The following TAX1BP1 variants were observed in gnomAD, a reference collection of about 807,000 sequenced individuals.
The protein encoded by TAX1BP1 is tax1-binding protein 1.
A neutral mutation model predicts 97.7 loss-of-function variants in TAX1BP1; 62 were observed. That is an observed-to-expected ratio of 0.63 (90% CI 0.52 to 0.78). The LOEUF (loss-of-function observed/expected upper bound fraction) is 0.78, where lower values mean the gene tolerates loss of function less well. Among genes scored for constraint, TAX1BP1 ranks in the 30% least tolerant of loss-of-function variants. The pLI, the probability that TAX1BP1 is intolerant of heterozygous loss-of-function variation, is 0.00. For synonymous variants in TAX1BP1, 340 were observed against 304.2 expected (o/e 1.12, Z -1.23); for missense variants, 867 against 916.1 (o/e 0.95, Z 0.69).
At chr7:27,824,828 T>C (rs1276264933) in intron 15 of TAX1BP1, among the ~76,000 whole-genome samples, 1 of 152,178 alleles carries the variant, frequency 6.6e-6, no homozygotes, top group East Asian at 1.9e-4. Context: ...ATAAAAGTTT[T>C]CTGAAAAGGT....
At chr7:27,754,397 A>G (rs979259973) in intron 2 of TAX1BP1, among the ~76,000 whole-genome samples, 1 of 148,126 alleles carries the variant, frequency 6.8e-6, no homozygotes, top group African/African-American at 2.4e-5. Context: ...TATATAATAT[A>G]TAAATATTTA....
intron 2 of TAX1BP1, 146 bp from the exon 3 acceptor site, chr7:27,757,885 T>C (rs1224495522): frequency 2.0e-6 from 1 of 489,802 alleles, no homozygotes; most frequent in East Asian, 3.2e-5. Context: ...AGAAATAATT[T>C]GACATGCTTG....
rs112092156 is a variant in TAX1BP1, at chr7:27,795,391, T to A, written c.1535-725T>A. Among the ~76,000 whole-genome samples the A allele has an allele frequency of 2.6e-3, 397 of 152,166 alleles. 5 individuals are homozygous for A. Among genetic ancestry groups the A allele is most frequent in the African/African-American group, 9.3e-3 (387 of 41,516 alleles). ...TGGAAGCTGTGGCAAGAGGATCACT[T>A]GAGCTCAAGAGTTTGAGGCTAGCCT... On this transcript the variant is annotated intron_variant, in intron 11 of 16. Coordinates refer to ENST00000396319, the MANE Select transcript of TAX1BP1 (RefSeq NM_006024.7).
At chr7:27,790,119 G>T (rs1422311833) in intron 8 of TAX1BP1, among the ~76,000 whole-genome samples, 6 of 151,866 alleles carry the variant, frequency 4.0e-5, no homozygotes, top group Admixed American at 3.9e-4. Context: ...TTGAATTTAT[G>T]AATATACGTA....
At chr7:27,758,283 GT>G in intron 3 of TAX1BP1, 150 bp downstream of exon 3, 2 of 508,396 alleles carry the variant, frequency 3.9e-6, no homozygotes, top group Non-Finnish European at 3.5e-6. Flanking sequence ...CCCTAAGAAT[GT>G]AACTGTCTGG....
At chr7:27,819,100 C>T (rs770114627) in intron 15 of TAX1BP1, among the ~76,000 whole-genome samples, 21 of 151,956 alleles carry the variant, frequency 1.4e-4, no homozygotes, top group Non-Finnish European at 2.5e-4. Flanking sequence ...CAGTTTTTTC[C>T]CTCATCAACG....
chr7:27,776,178 C>CCTTTTG (rs1322302507), intron 5 of TAX1BP1, among the ~76,000 whole-genome samples: 5 of 152,120 alleles, frequency 3.3e-5, no homozygotes, highest in Non-Finnish European at 7.4e-5. Flanking sequence ...GGTAGTGGTA[C>CCTTTTG]CTTTTGGAGT....
At chr7:27,799,690 CTATTT>C (rs1467395073) in intron 12 of TAX1BP1, among the ~76,000 whole-genome samples, 1 of 152,060 alleles carries the variant, frequency 6.6e-6, no homozygotes, top group African/African-American at 2.4e-5. Context: ...ATTATATATT[CTATTT>C]TAGCAACTTG....
At chr7:27,816,623 C>T (rs1253883564) in intron 14 of TAX1BP1, 103 bp downstream of exon 14, 11 of 1,072,360 alleles carry the variant, frequency 1.0e-5, no homozygotes, top group Non-Finnish European at 1.2e-5. Flanking sequence ...AACCCTAATA[C>T]AAACATTATT....
intron 1 of TAX1BP1, among the ~76,000 whole-genome samples, chr7:27,746,019 G>A (rs6969516): frequency 0.92 from 140,638 of 152,170 alleles, 65,181 homozygotes; most frequent in East Asian, 1. Context: ...TGGATTGTGG[G>A]TTTTTAAAAA....
In TAX1BP1 at chr7:27,816,517, A is replaced by G; in HGVS notation, c.1933A>G (p.Arg645Gly). 2.0e-6 allele frequency: 3 copies of G among 1,531,720 alleles called. No homozygotes were observed. The highest frequency in any genetic ancestry group is 2.6e-6 in the Non-Finnish European group (3 of 1,151,946). 94.9% of individuals were successfully genotyped at this position (1,531,720 alleles called of 1,614,324 possible). The change falls in exon 14 of 17, where the codon AGA (arginine) becomes GGA (glycine). Residue 645 changes from arginine to glycine, a missense_variant. This residue lies in a region of TAX1BP1 where 822 missense variants were observed against 851.4 expected (regional missense o/e 0.97). Coordinates refer to ENST00000396319, the MANE Select transcript of TAX1BP1 (RefSeq NM_006024.7). ...YGNPYASQET[R>G]DGADGAFYPD... ...TAATCCTTATGCATCTCAGGAAACA[A>G]GAGGTTATTACAGTATTTTTGGTTT...
At chr7:27,742,540 A>G (rs1007264426) in intron 1 of TAX1BP1, among the ~76,000 whole-genome samples, 2 of 152,234 alleles carry the variant, frequency 1.3e-5, no homozygotes, top group African/African-American at 4.8e-5. Flanking sequence ...TTTTCTTAGT[A>G]CAGAACAAAA....
intron 13 of TAX1BP1, among the ~76,000 whole-genome samples, chr7:27,800,801 A>G (rs542879718): frequency 6.6e-6 from 1 of 152,226 alleles, no homozygotes; most frequent in Admixed American, 6.5e-5. Context: ...ATGATAAATG[A>G]TACTGTAAGA....
intron 15 of TAX1BP1, among the ~76,000 whole-genome samples, chr7:27,826,783 A>T (rs1423237777): frequency 6.6e-6 from 1 of 152,226 alleles, no homozygotes; most frequent in Non-Finnish European, 1.5e-5. Context: ...CTCACTTGAC[A>T]ACCTCTGAAA....
At chr7:27,758,180 G>A (rs763219739) in intron 3 of TAX1BP1, 47 bp downstream of exon 3, 1 of 1,426,210 alleles carries the variant, frequency 7.0e-7, no homozygotes, top group Non-Finnish European at 9.8e-7. Flanking sequence ...ATGTCTTATT[G>A]CCATTAAAGA....
At chr7:27,807,541 G>A (rs1403270589) in intron 13 of TAX1BP1, among the ~76,000 whole-genome samples, 1 of 152,080 alleles carries the variant, frequency 6.6e-6, no homozygotes, top group African/African-American at 2.4e-5. Context: ...CTTAGGTTAT[G>A]AATTTTGCCA....
chr7:27,773,724 A>T (rs562976653), intron 5 of TAX1BP1, among the ~76,000 whole-genome samples: 1 of 152,146 alleles, frequency 6.6e-6, no homozygotes, highest in East Asian at 1.9e-4. Context: ...GAAAATTAGC[A>T]GTTTGTGTGT....
intron 2 of TAX1BP1, among the ~76,000 whole-genome samples, chr7:27,752,493 G>A (rs2128308117): frequency 6.6e-6 from 1 of 152,298 alleles, no homozygotes; most frequent in South Asian, 2.1e-4. Context: ...GTTGGAAAAG[G>A]GTGGGAATGG....
chr7:27,810,064 C>T (rs1009621860), intron 13 of TAX1BP1, among the ~76,000 whole-genome samples: 11 of 151,936 alleles, frequency 7.2e-5, no homozygotes, highest in African/African-American at 2.2e-4. Flanking sequence ...TGTGCCACCA[C>T]GCCTGGCTAA....
Sources: gnomAD v4.1 joint callset for allele counts (sites outside exome capture counted in the v4.1 genomes callset) on GRCh38, gnomAD v4.1.1 for gene constraint, gnomAD v4.1.1 regional missense constraint, MANE v1.5 for transcripts, NCBI Gene and HGNC (gene_info 2026-07-23, HGNC 2026-07-21) for gene names.